KCNK13: variants seen among roughly 807,000 people sequenced by gnomAD.
KCNK13 encodes potassium two pore domain channel subfamily K member 13.
A neutral mutation model predicts 23.4 loss-of-function variants in KCNK13; 12 were observed. The observed-to-expected ratio is 0.51, with a 90% CI of 0.33 to 0.83. The LOEUF (loss-of-function observed/expected upper bound fraction) is 0.83. KCNK13 is among the 40% of genes least tolerant of loss of function. KCNK13 has a pLI of 0.02. For missense variants in KCNK13, 463 were observed against 556.3 expected, an observed-to-expected ratio of 0.83 and a Z score of 1.69; for synonymous variants, 231 against 229.5, an observed-to-expected ratio of 1.01 and a Z score of -0.06.
chr14:90,077,041 G>A (rs986439799), intron 1 of KCNK13, among the ~76,000 whole-genome samples: 42 of 149,318 alleles, frequency 2.8e-4, no homozygotes, highest in East Asian at 1.6e-3. Context: ...GGATGGTCTC[G>A]ATCTCCTGAC....
chr14:90,086,897 G>T (rs961608350), intron 1 of KCNK13, among the ~76,000 whole-genome samples: 6 of 151,672 alleles, frequency 4.0e-5, no homozygotes, highest in African/African-American at 1.5e-4. Context: ...AACCCCTGAG[G>T]GACTAACCTT....
intron 1 of KCNK13, among the ~76,000 whole-genome samples, chr14:90,091,702 C>T (rs1397668334): frequency 6.6e-6 from 1 of 151,758 alleles, no homozygotes; most frequent in East Asian, 1.9e-4. Context: ...ATACCCTCTT[C>T]TCGGTGGGGT....
chr14:90,077,044 C>T (rs927361396), intron 1 of KCNK13, among the ~76,000 whole-genome samples: 3 of 151,078 alleles, frequency 2.0e-5, no homozygotes, highest in African/African-American at 7.3e-5. Context: ...TGGTCTCGAT[C>T]TCCTGACCTC....
intron 1 of KCNK13, among the ~76,000 whole-genome samples, chr14:90,099,137 T>G (rs1444320685): frequency 6.6e-6 from 1 of 152,168 alleles, no homozygotes; most frequent in East Asian, 1.9e-4. Flanking sequence ...ACTTACGTTT[T>G]TGTGCGATTC....
chr14:90,133,380 G>A (rs1372181738), intron 1 of KCNK13, among the ~76,000 whole-genome samples: 1 of 152,104 alleles, frequency 6.6e-6, no homozygotes, highest in Non-Finnish European at 1.5e-5. Context: ...TGGGATGGGA[G>A]TTTAAGAGGA....
intron 1 of KCNK13, among the ~76,000 whole-genome samples, chr14:90,150,557 G>A (rs943470012): frequency 6.6e-6 from 1 of 152,220 alleles, no homozygotes; most frequent in Admixed American, 6.5e-5. Context: ...CATATTTGAT[G>A]AGGCAAAAAC....
chr14:90,152,178 G>T (rs192187540), intron 1 of KCNK13, among the ~76,000 whole-genome samples: 15 of 152,266 alleles, frequency 9.9e-5, no homozygotes, highest in African/African-American at 3.4e-4. Context: ...TGAGTCTCAC[G>T]AGATCTGATG....
In KCNK13 at chr14:90,101,790, C is replaced by CAA. The variant is rs546423368; in HGVS notation, c.334+39272_334+39273dup. On this transcript the variant is annotated intron_variant, in intron 1 of 1. Transcript: ENST00000282146. Reference sequence around the variant, plus strand: ...GGGCAACAGAGTGAGACTCCGTCTCCAAAAAAAAAAAAAAAAAAAAAACCT... The same window carrying CAA: ...GGGCAACAGAGTGAGACTCCGTCTCCAAAAAAAAAAAAAAAAAAAAAAAACCT... 2.2e-3 allele frequency among the ~76,000 whole-genome samples: 123 copies of CAA among 55,552 alleles called. 7 individuals are homozygous for CAA. Among genetic ancestry groups the CAA allele is most frequent in the South Asian group, 5.7e-3 (9 of 1,570 alleles). The allele number at this position is 55,552 out of a possible 152,430, so 36.4% of individuals were successfully genotyped here. A position where few individuals can be genotyped will look rare whatever the true frequency, so the allele number is the denominator to read the frequency against.
chr14:90,149,574 T>G (rs1371285613), intron 1 of KCNK13, among the ~76,000 whole-genome samples: 2 of 152,118 alleles, frequency 1.3e-5, no homozygotes, highest in Non-Finnish European at 2.9e-5. Flanking sequence ...CCCCCGTGAT[T>G]CAATTACCTC....
At chr14:90,086,571 C>T (rs1889278072) in intron 1 of KCNK13, among the ~76,000 whole-genome samples, 1 of 152,150 alleles carries the variant, frequency 6.6e-6, no homozygotes, top group South Asian at 2.1e-4. Flanking sequence ...TTTGATGTTA[C>T]TGATGAATAT....
chr14:90,136,134 T>G (rs1292754604), intron 1 of KCNK13, among the ~76,000 whole-genome samples: 1 of 151,230 alleles, frequency 6.6e-6, no homozygotes, highest in South Asian at 2.1e-4. Context: ...GTGGCCAGAA[T>G]GTGGATGACA....
chr14:90,078,287 G>T (rs561686416), intron 1 of KCNK13, among the ~76,000 whole-genome samples: 1 of 152,168 alleles, frequency 6.6e-6, no homozygotes, highest in East Asian at 1.9e-4. Context: ...GGGCATGGTG[G>T]CGCACACCTG....
intron 1 of KCNK13, among the ~76,000 whole-genome samples, chr14:90,094,380 G>A (rs981262628): frequency 2.0e-5 from 3 of 152,126 alleles, no homozygotes; most frequent in Non-Finnish European, 4.4e-5. Context: ...AGGCAAATAC[G>A]AAGGGCTTGG....
intron 1 of KCNK13, among the ~76,000 whole-genome samples, chr14:90,183,837 G>A (rs565566985): frequency 6.6e-6 from 1 of 152,256 alleles, no homozygotes; most frequent in East Asian, 1.9e-4. Flanking sequence ...TTGTCACCAA[G>A]CCATTTTTTG....
At chr14:90,099,280 C>G (rs959392992) in intron 1 of KCNK13, among the ~76,000 whole-genome samples, 9 of 152,144 alleles carry the variant, frequency 5.9e-5, no homozygotes, top group South Asian at 2.1e-4. Context: ...ATGTTCAGGA[C>G]TGTGCATTGC....
intron 1 of KCNK13, among the ~76,000 whole-genome samples, chr14:90,076,576 G>A (rs528322339): frequency 6.6e-6 from 1 of 152,032 alleles, no homozygotes; most frequent in Admixed American, 6.6e-5. Context: ...ATGTCAGATT[G>A]TCCCTCAACC....
intron 1 of KCNK13, among the ~76,000 whole-genome samples, chr14:90,178,231 C>CAAAACAAA (rs1890444842): frequency 1.3e-5 from 1 of 75,074 alleles, no homozygotes; most frequent in Non-Finnish European, 2.5e-5. Context: ...TTCCTAAAAG[C>CAAAACAAA]AAAAAAAAAA....
intron 1 of KCNK13, among the ~76,000 whole-genome samples, chr14:90,127,547 T>G (rs948388071): frequency 1.3e-5 from 2 of 149,608 alleles, no homozygotes; most frequent in Non-Finnish European, 3.0e-5. Flanking sequence ...ACGTGATGGC[T>G]CATGCCTGTA....
At chr14:90,075,018 A>C (rs1474635992) in intron 1 of KCNK13, among the ~76,000 whole-genome samples, 1 of 151,884 alleles carries the variant, frequency 6.6e-6, no homozygotes, top group Non-Finnish European at 1.5e-5. Context: ...TTAACCACTT[A>C]ACACATTTTT....
Sources: allele counts gnomAD v4.1 joint callset (sites outside exome capture counted in the v4.1 genomes callset), GRCh38; gene constraint gnomAD v4.1.1; transcripts MANE v1.5; gene names NCBI Gene and HGNC (gene_info 2026-07-23, HGNC 2026-07-21).